Variants in NCALD observed in about 807,000 individuals in gnomAD.
The protein encoded by NCALD is neurocalcin delta.
In NCALD, 10 loss-of-function variants were observed where a neutral mutation model predicts 18.6. That is an observed-to-expected ratio of 0.54 (90% CI 0.33 to 0.91). NCALD has a LOEUF of 0.91. Among genes scored for constraint, NCALD ranks in the 40% least tolerant of loss-of-function variants. The pLI, the probability that NCALD is intolerant of heterozygous loss-of-function variation, is 0.03. For missense variants in NCALD, 184 were observed against 247.6 expected (o/e 0.74, Z 1.72); for synonymous variants, 88 against 87.4 (o/e 1.01, Z -0.04).
intron 2 of NCALD, among the ~76,000 whole-genome samples, chr8:102,010,350 C>A (rs757005922): frequency 4.6e-5 from 7 of 152,172 alleles, no homozygotes; most frequent in African/African-American, 7.2e-5. Context: ...TAGTTGCTAC[C>A]CCCAACAGGT....
rs961627025 is a variant in NCALD, at chr8:101,704,383, G to A, written c.379-11487C>T. ...TAAATGCATAGGACTGGGGTGTGGG[G>A]GGCAGAGGAGACACCTCCACTGAGT... On this transcript the variant is annotated intron_variant, in intron 2 of 3. Transcript: ENST00000220931. Among the ~76,000 whole-genome samples the A allele has an allele frequency of 4.6e-5, 7 of 152,098 alleles. 1 individual carries two copies. Among genetic ancestry groups the A allele is most frequent in the African/African-American group, 1.4e-4 (6 of 41,402 alleles).
At chr8:101,884,949 T>A (rs564230417) in intron 4 of NCALD, among the ~76,000 whole-genome samples, 2 of 152,330 alleles carry the variant, frequency 1.3e-5, no homozygotes, top group East Asian at 3.9e-4. Flanking sequence ...ACAAAATCAA[T>A]GTTTTTTGAC....
At chr8:101,878,113 T>C (rs764480621) in intron 4 of NCALD, among the ~76,000 whole-genome samples, 4 of 152,192 alleles carry the variant, frequency 2.6e-5, no homozygotes, top group South Asian at 2.1e-4. Context: ...GAAAAACATA[T>C]AGTAAATGTC....
intron 4 of NCALD, among the ~76,000 whole-genome samples, chr8:101,863,591 C>T (rs973930170): frequency 1.3e-5 from 2 of 152,122 alleles, no homozygotes; most frequent in African/African-American, 4.8e-5. Flanking sequence ...TTTAGAGATG[C>T]TTCTGTGGGA....
At chr8:102,016,466 C>A (rs1159943243) in intron 2 of NCALD, among the ~76,000 whole-genome samples, 1 of 152,160 alleles carries the variant, frequency 6.6e-6, no homozygotes, top group Non-Finnish European at 1.5e-5. Flanking sequence ...AGAAAGAGGT[C>A]CCCTTTGTGG....
chr8:102,059,976 T>G (rs1004571215), intron 1 of NCALD, among the ~76,000 whole-genome samples: 2 of 152,096 alleles, frequency 1.3e-5, no homozygotes, highest in East Asian at 1.9e-4. Context: ...CTTGTTTTTG[T>G]TTTTTTGTTT....
Position 101,895,198 on chromosome 8 carries a change from G to A in NCALD, c.-106-7971C>T, listed in dbSNP as rs553834573. On this transcript the variant is annotated intron_variant, in intron 3 of 6. Transcript: ENST00000311028. ...GTGGGCTTCATCCCTGGGATGCAAG[G>A]CTGGTTCGATATACGCAAATCAATA... 5.0e-3 allele frequency among the ~76,000 whole-genome samples: 745 copies of A among 150,282 alleles called. 6 individuals carry two copies. Among genetic ancestry groups the A allele is most frequent in the Non-Finnish European group, 8.4e-3 (571 of 67,972 alleles).
At chr8:101,972,537 A>G (rs1820279991) in intron 2 of NCALD, among the ~76,000 whole-genome samples, 3 of 152,292 alleles carry the variant, frequency 2.0e-5, no homozygotes, top group East Asian at 1.9e-4. Context: ...TGCAGGAACA[A>G]TGATGTTTGA....
intron 1 of NCALD, among the ~76,000 whole-genome samples, chr8:102,113,034 C>A (rs185250231): frequency 1.3e-5 from 2 of 151,954 alleles, no homozygotes; most frequent in African/African-American, 4.8e-5. Flanking sequence ...ATTATAGCAA[C>A]GCAAAATGGA....
Position 101,689,740 on chromosome 8 carries a change from G to A in NCALD, c.485-334C>T, listed in dbSNP as rs1312974465. On this transcript the variant is annotated intron_variant, in intron 3 of 3. Transcript: ENST00000220931. The surrounding 1 kb of genome is among the most constrained non-coding windows in gnomAD (Gnocchi z 4.4). ...GGTCCCTGACCTCCTGGCTCCAGGC[G>A]CCCTGGAGAGGCTCACTCAGCATTT... Among the ~76,000 whole-genome samples the A allele has an allele frequency of 2.0e-5, 3 of 152,282 alleles. No homozygotes were observed. The highest frequency in any genetic ancestry group is 6.5e-5 in the Admixed American group (1 of 15,302).
chr8:101,758,811 G>A (rs997339766), intron 1 of NCALD, among the ~76,000 whole-genome samples: 1 of 147,500 alleles, frequency 6.8e-6, no homozygotes, highest in African/African-American at 2.4e-5. Context: ...GCATAGTGCT[G>A]GGACACAGGA....
intron 4 of NCALD, among the ~76,000 whole-genome samples, chr8:101,844,923 A>T (rs1814803252): frequency 6.6e-6 from 1 of 152,204 alleles, no homozygotes; most frequent in South Asian, 2.1e-4. Flanking sequence ...CTGCCATTTG[A>T]TGTCAACTTG....
chr8:101,964,137 T>C (rs718263), intron 2 of NCALD, among the ~76,000 whole-genome samples: 84,504 of 151,956 alleles, frequency 0.56, 23,666 homozygotes, highest in Admixed American at 0.62. Flanking sequence ...CTCTTCTAAC[T>C]ATCTTATTCT....
intron 1 of NCALD, among the ~76,000 whole-genome samples, chr8:101,779,406 G>T (rs1291331906): frequency 6.6e-6 from 1 of 152,132 alleles, no homozygotes; most frequent in African/African-American, 2.4e-5. Context: ...ATGTACTGAA[G>T]ATTTTAGTTT....
chr8:101,872,642 T>G (rs1372131903), intron 4 of NCALD: 8 of 440,806 alleles, frequency 1.8e-5, no homozygotes, highest in Non-Finnish European at 2.9e-5. Flanking sequence ...CTTGCAGATA[T>G]GTGGGCCTAA....
At chr8:102,119,504 C>A (rs191125823) in intron 1 of NCALD, among the ~76,000 whole-genome samples, 2 of 152,190 alleles carry the variant, frequency 1.3e-5, no homozygotes, top group Non-Finnish European at 2.9e-5. Flanking sequence ...GATGGTTGCA[C>A]AATAATGTGA....
intron 4 of NCALD, among the ~76,000 whole-genome samples, chr8:101,805,062 G>C (rs1339093995): frequency 6.6e-6 from 1 of 152,072 alleles, no homozygotes; most frequent in Non-Finnish European, 1.5e-5. Context: ...GTTCCCCAAT[G>C]ACTTAAGTAT....
chr8:101,758,670 C>T (rs577238218), intron 1 of NCALD, among the ~76,000 whole-genome samples: 2 of 152,220 alleles, frequency 1.3e-5, no homozygotes, highest in East Asian at 3.9e-4. Context: ...CCTCTCATAC[C>T]TCTCGGACCT....
intron 4 of NCALD, among the ~76,000 whole-genome samples, chr8:101,803,851 G>A (rs1265988092): frequency 6.6e-6 from 1 of 152,156 alleles, no homozygotes; most frequent in Non-Finnish European, 1.5e-5. Flanking sequence ...CATAAAGTAT[G>A]TTGACAAAGC....
Sources: gnomAD v4.1 joint callset for allele counts (sites outside exome capture counted in the v4.1 genomes callset) on GRCh38, gnomAD v4.1.1 for gene constraint, Gnocchi (gnomAD v3.1) non-coding constraint, MANE v1.5 for transcripts, NCBI Gene and HGNC (gene_info 2026-07-23, HGNC 2026-07-21) for gene names.